TMTC3: variants seen among roughly 807,000 people sequenced by gnomAD.
TMTC3 encodes the protein protein O-mannosyl-transferase TMTC3.
In TMTC3, 52 loss-of-function variants were observed where a neutral mutation model predicts 92.2. That is an observed-to-expected ratio of 0.56 (90% confidence interval 0.45 to 0.71). The LOEUF (loss-of-function observed/expected upper bound fraction) is 0.71. Among genes scored for constraint, TMTC3 ranks in the 30% least tolerant of loss-of-function variants. The pLI, the probability that TMTC3 is intolerant of heterozygous loss-of-function variation, is 0.00. For missense variants in TMTC3, 896 were observed against 1,057.1 expected, an observed-to-expected ratio of 0.85 and a Z score of 2.11; for synonymous variants, 339 against 363.3, an observed-to-expected ratio of 0.93 and a Z score of 0.76.
chr12:88,162,779 T>G (rs1265275084), intron 6 of TMTC3, among the ~76,000 whole-genome samples: 1 of 152,222 alleles, frequency 6.6e-6, no homozygotes, highest in Non-Finnish European at 1.5e-5. Flanking sequence ...TCTGCTTCTT[T>G]GCATGTCGGG....
At chr12:88,192,014 C>CTTTTTTTT (rs375857927) in intron 12 of TMTC3, among the ~76,000 whole-genome samples, 1 of 112,264 alleles carries the variant, frequency 8.9e-6, no homozygotes, top group African/African-American at 4.5e-5. Context: ...CAGCATTTTT[C>CTTTTTTTT]TTTTTTTTTT....
intron 6 of TMTC3, 42 bp from the exon 7 acceptor site, chr12:88,166,288 T>C (rs935096394): frequency 1.3e-6 from 2 of 1,562,174 alleles, no homozygotes; most frequent in African/African-American, 1.4e-5. Flanking sequence ...TTCTGTACTT[T>C]AAAAGTTTTA....
intron 10 of TMTC3, among the ~76,000 whole-genome samples, chr12:88,178,770 TCAGG>T (rs1565954183): frequency 1.3e-5 from 2 of 152,204 alleles, no homozygotes; most frequent in Non-Finnish European, 2.9e-5. Flanking sequence ...TCTTTGATTG[TCAGG>T]CACACAAGGG....
chr12:88,176,802 T>C (rs1435282385), intron 10 of TMTC3, among the ~76,000 whole-genome samples: 1 of 151,372 alleles, frequency 6.6e-6, no homozygotes, highest in Non-Finnish European at 1.5e-5. Flanking sequence ...CAAAAACATT[T>C]ATGGATTTTT....
At chr12:88,156,033 C>T (rs2041004883) in intron 4 of TMTC3, among the ~76,000 whole-genome samples, 2 of 152,140 alleles carry the variant, frequency 1.3e-5, no homozygotes, top group African/African-American at 4.8e-5. Context: ...TCGCTTGAAC[C>T]TGGGAGGCGG....
rs1269398814 is a variant in TMTC3, at chr12:88,148,677, GATGAGTACTTT to G, written c.189+175_189+185del. ...GTAATAAATTGAACAGGAAGCTGAGGATGAGTACTTTAAAGCAGTACTTGGTTATTTCTTTG... is the reference window on the plus strand; with the variant it reads ...GTAATAAATTGAACAGGAAGCTGAGGAAAGCAGTACTTGGTTATTTCTTTG... On this transcript the variant is annotated intron_variant, in intron 2 of 13. Coordinates refer to ENST00000266712, the MANE Select transcript of TMTC3 (RefSeq NM_181783.4). Among the ~76,000 whole-genome samples, 4 of 151,724 alleles carry G rather than the reference GATGAGTACTTT, an allele frequency of 2.6e-5. No homozygotes were observed. The East Asian group carries it at 7.8e-4, about 29-fold the overall frequency.
chr12:88,187,436 TG>T (rs1242322799), intron 10 of TMTC3, among the ~76,000 whole-genome samples: 1 of 152,122 alleles, frequency 6.6e-6, no homozygotes, highest in African/African-American at 2.4e-5. Context: ...TGGACCTAGG[TG>T]GGGCTGAAGT....
rs1216319353 is a variant in TMTC3, at chr12:88,197,329, A to T, written c.*1680A>T. The T allele has an allele frequency of 7.7e-6, 1 of 129,842 alleles. No individual in the cohort carries two copies. Among genetic ancestry groups the T allele is most frequent in the Non-Finnish European group, 1.6e-5 (1 of 63,844 alleles). 8.0% of individuals were successfully genotyped at this position (129,842 alleles called of 1,614,324 possible). ...CTGATACCAGTGGGAGTTGGTCTTG[A>T]TCTAGGAGATTCTGTTAAGCATCCA... On this transcript the variant is annotated 3_prime_UTR_variant, in exon 14 of 14. Coordinates refer to ENST00000266712, the MANE Select transcript of TMTC3 (RefSeq NM_181783.4).
chr12:88,175,885 A>G (rs551430651), intron 9 of TMTC3, among the ~76,000 whole-genome samples: 4 of 152,224 alleles, frequency 2.6e-5, no homozygotes, highest in Non-Finnish European at 5.9e-5. Flanking sequence ...ACATATTCTC[A>G]TGTTCCAGTG....
intron 13 of TMTC3, 123 bp downstream of exon 13, chr12:88,192,953 C>A: frequency 1.4e-6 from 1 of 691,198 alleles, no homozygotes; most frequent in Non-Finnish European, 2.3e-6. Context: ...CAATACTGTG[C>A]TTAACTGATT....
At chr12:88,190,097 T>C (rs2041425361) in intron 11 of TMTC3, among the ~76,000 whole-genome samples, 1 of 152,082 alleles carries the variant, frequency 6.6e-6, no homozygotes, top group Non-Finnish European at 1.5e-5. Flanking sequence ...ATAATAAAAA[T>C]GTAAAAGAAA....
At chr12:88,156,797 T>A (rs1249402382) in intron 4 of TMTC3, among the ~76,000 whole-genome samples, 1 of 118,462 alleles carries the variant, frequency 8.4e-6, no homozygotes, top group Non-Finnish European at 1.9e-5. Context: ...TGCTAAGGTT[T>A]TGTGTGTGTG....
At chr12:88,176,163 A>AT (rs555631918) in intron 9 of TMTC3, 45 bp from the exon 10 acceptor site, 617 of 1,287,712 alleles carry the variant, frequency 4.8e-4, no homozygotes, top group Middle Eastern at 7.2e-4. Flanking sequence ...AACTGGAGTC[A>AT]TTTTTTTTTA....
intron 2 of TMTC3, among the ~76,000 whole-genome samples, chr12:88,150,573 G>C (rs1376654021): frequency 6.6e-6 from 1 of 152,142 alleles, no homozygotes; most frequent in South Asian, 2.1e-4. Flanking sequence ...CAGAATGGAT[G>C]AACAAACTAG....
At chr12:88,183,182 T>C (rs937718610) in intron 10 of TMTC3, among the ~76,000 whole-genome samples, 1 of 152,154 alleles carries the variant, frequency 6.6e-6, no homozygotes, top group African/African-American at 2.4e-5. Context: ...CTTTAAAGGC[T>C]ACTGTTCTAC....
chr12:88,199,722 A>G lies in TMTC3; in HGVS notation c.*4073A>G, dbSNP rs964530974. On this transcript the variant is annotated 3_prime_UTR_variant, in exon 14 of 14. Coordinates refer to ENST00000266712, the MANE Select transcript of TMTC3 (RefSeq NM_181783.4). Reference sequence around the variant, plus strand: ...TCAGGGAGGTAGCATAAAATGAAAGATAAAGTCTGAAGACTGGATCCAGGC... The same window carrying G: ...TCAGGGAGGTAGCATAAAATGAAAGGTAAAGTCTGAAGACTGGATCCAGGC... 6.6e-6 allele frequency: 1 copy of G among 152,214 alleles called. No individual in the cohort carries two copies. The highest frequency in any genetic ancestry group is 2.1e-4 in the South Asian group (1 of 4,828). The allele number at this position is 152,214 out of a possible 1,614,324, so 9.4% of individuals were successfully genotyped here. A position where few individuals can be genotyped will look rare whatever the true frequency, so the allele number is the denominator to read the frequency against.
intron 10 of TMTC3, among the ~76,000 whole-genome samples, chr12:88,183,593 C>A (rs1391623944): frequency 6.6e-6 from 1 of 152,088 alleles, no homozygotes; most frequent in Middle Eastern, 3.2e-3. Flanking sequence ...GACGGTTTCT[C>A]CTCCCTTCCC....
chr12:88,192,532 C>G (rs2041455876), intron 12 of TMTC3, 72 bp from the exon 13 acceptor site: 1 of 1,207,598 alleles, frequency 8.3e-7, no homozygotes, highest in African/African-American at 1.5e-5. Context: ...AGGCTTAAAA[C>G]TTGGCAAAAA....
At chr12:88,173,230 A>G in intron 8 of TMTC3, 1 of 430,482 alleles carries the variant, frequency 2.3e-6, no homozygotes. Context: ...GTCACACTGT[A>G]TATATGCTTA....
Sources: gnomAD v4.1 joint callset for allele counts (sites outside exome capture counted in the v4.1 genomes callset) on GRCh38, gnomAD v4.1.1 for gene constraint, MANE v1.5 for transcripts, NCBI Gene and HGNC (gene_info 2026-07-23, HGNC 2026-07-21) for gene names.